FARP1: variants seen among roughly 807,000 people sequenced by gnomAD.
FARP1 encodes FERM, ARHGEF and pleckstrin domain-containing protein 1.
Under a neutral mutation model 128.8 loss-of-function variants are expected in FARP1, and 52 were observed. The observed-to-expected ratio is 0.40, with a 90% CI of 0.32 to 0.51. FARP1 has a LOEUF of 0.51. FARP1 is among the 20% of genes least tolerant of loss of function. The pLI, the probability that FARP1 is intolerant of heterozygous loss-of-function variation, is 0.45. For missense variants in FARP1, 1,333 were observed against 1,367.9 expected, an observed-to-expected ratio of 0.97 and a Z score of 0.40; for synonymous variants, 580 against 551.8, an observed-to-expected ratio of 1.05 and a Z score of -0.72.
intron 2 of FARP1, among the ~76,000 whole-genome samples, chr13:98,260,027 A>C (rs1440355167): frequency 6.6e-6 from 1 of 151,952 alleles, no homozygotes; most frequent in Non-Finnish European, 1.5e-5. Flanking sequence ...TATTTAACCC[A>C]CTGGGGCTCT....
intron 1 of FARP1, among the ~76,000 whole-genome samples, chr13:98,158,573 G>A (rs1346268177): frequency 1.3e-5 from 2 of 152,148 alleles, no homozygotes; most frequent in Non-Finnish European, 2.9e-5. Flanking sequence ...TTTGGAGGTA[G>A]AATAGCATAA....
At chr13:98,216,745 G>T (rs1261736824) in intron 2 of FARP1, among the ~76,000 whole-genome samples, 3 of 152,206 alleles carry the variant, frequency 2.0e-5, no homozygotes, top group Non-Finnish European at 4.4e-5. Context: ...GGCTTTGGCA[G>T]TTAGCTCCAC....
At chr13:98,423,705 T>C (rs1891677552) in intron 16 of FARP1, among the ~76,000 whole-genome samples, 1 of 152,192 alleles carries the variant, frequency 6.6e-6, no homozygotes, top group African/African-American at 2.4e-5. Flanking sequence ...TCCTTCACTA[T>C]AACATGAGGG....
At chr13:98,359,601 T>G (rs1319848288) in intron 3 of FARP1, among the ~76,000 whole-genome samples, 6 of 152,234 alleles carry the variant, frequency 3.9e-5, no homozygotes. Flanking sequence ...AGACTGCGTG[T>G]ACGATGGTGG....
Position 98,354,752 on chromosome 13 carries a change from A to G in FARP1, c.277-10643A>G, listed in dbSNP as rs1054373095. Among the ~76,000 whole-genome samples, 4 of 152,384 alleles carry G rather than the reference A, an allele frequency of 2.6e-5. No homozygotes were observed. The South Asian group carries it at 6.2e-4, about 24-fold the overall frequency. On this transcript the variant is annotated intron_variant, in intron 3 of 26. Coordinates refer to ENST00000319562, the MANE Select transcript of FARP1 (RefSeq NM_005766.4). ...CATAACTCCAAACTGGAAATCGCAC[A>G]TGTGCCATCAAGAGAAGAATTGTTA... is the stretch of plus-strand genomic sequence containing the variant.
At chr13:98,151,660 C>CTTTTTTTTTTTTTTTGT (rs1876011860) in intron 1 of FARP1, among the ~76,000 whole-genome samples, 1 of 69,224 alleles carries the variant, frequency 1.4e-5, no homozygotes, top group Non-Finnish European at 2.8e-5. Flanking sequence ...TATCTTCCAT[C>CTTTTTTTTTTTTTTTGT]TTTTTTTTTT....
intron 4 of FARP1, among the ~76,000 whole-genome samples, chr13:98,366,308 T>C (rs903271649): frequency 6.6e-6 from 1 of 152,206 alleles, no homozygotes; most frequent in Non-Finnish European, 1.5e-5. Context: ...CCGTGTGCAA[T>C]TGAAATTGAT....
chr13:98,273,927 C>T (rs750408966), intron 2 of FARP1, among the ~76,000 whole-genome samples: 1 of 152,116 alleles, frequency 6.6e-6, no homozygotes, highest in Non-Finnish European at 1.5e-5. Flanking sequence ...TGATGGCGGT[C>T]AATGACAGAC....
Position 98,176,705 on chromosome 13 carries a change from G to T in FARP1, c.-24+33213G>T, listed in dbSNP as rs1184881142. The T allele has an allele frequency of 6.8e-6, 11 of 1,614,040 alleles. No homozygotes were observed. The highest frequency in any genetic ancestry group is 9.3e-6 in the Non-Finnish European group (11 of 1,180,032). Reference sequence around the variant, plus strand: ...GTGGCGCGCAGATGCCCTGGCGCACGTATGGGGCCCTTCCTCGCCATCCCC... The same window carrying T: ...GTGGCGCGCAGATGCCCTGGCGCACTTATGGGGCCCTTCCTCGCCATCCCC... On this transcript the variant is annotated intron_variant, in intron 1 of 26. Coordinates refer to ENST00000319562, the MANE Select transcript of FARP1 (RefSeq NM_005766.4). This position sits in a 1 kb window ranked among gnomAD's most constrained non-coding sequence, Gnocchi z 6.2.
intron 3 of FARP1, among the ~76,000 whole-genome samples, chr13:98,346,388 C>G (rs2139887324): frequency 2.0e-5 from 3 of 150,014 alleles, no homozygotes; most frequent in African/African-American, 7.3e-5. Flanking sequence ...TGGGGTTTCA[C>G]CATGTTGGCC....
At chr13:98,227,988 T>C (rs1030918024) in intron 2 of FARP1, among the ~76,000 whole-genome samples, 2 of 152,236 alleles carry the variant, frequency 1.3e-5, no homozygotes, top group African/African-American at 4.8e-5. Context: ...AGAGTTTGTT[T>C]TGCCAGATGA....
At chr13:98,151,679 T>TTTTTTTTTTTTTTTTTA (rs1876014021) in intron 1 of FARP1, among the ~76,000 whole-genome samples, 1 of 143,274 alleles carries the variant, frequency 7.0e-6, no homozygotes, top group Non-Finnish European at 1.5e-5. Flanking sequence ...TTTTTTTTTT[T>TTTTTTTTTTTTTTTTTA]GAGACGGAGT....
At chr13:98,185,367 C>T (rs1283807351) in intron 1 of FARP1, among the ~76,000 whole-genome samples, 3 of 152,060 alleles carry the variant, frequency 2.0e-5, no homozygotes, top group East Asian at 3.9e-4. Flanking sequence ...AGCATGCAGG[C>T]GTTGGGATTG....
intron 11 of FARP1, among the ~76,000 whole-genome samples, chr13:98,391,506 A>G (rs538223711): frequency 6.6e-6 from 1 of 152,338 alleles, no homozygotes; most frequent in Admixed American, 6.5e-5. Flanking sequence ...CCTGGGCTCA[A>G]GCCATCTTCC....
chr13:98,176,059 T>A lies in FARP1; in HGVS notation c.-24+32567T>A. 1 of 1,028,648 alleles carries A rather than the reference T, an allele frequency of 9.7e-7. No individual in the cohort carries two copies. Among genetic ancestry groups the A allele is most frequent in the Non-Finnish European group, 1.5e-6 (1 of 671,886 alleles). The allele number at this position is 1,028,648 out of a possible 1,614,324, so 63.7% of individuals were successfully genotyped here. A position where few individuals can be genotyped will look rare whatever the true frequency, so the allele number is the denominator to read the frequency against. On this transcript the variant is annotated intron_variant, in intron 1 of 26. Transcript: ENST00000319562. This position sits in a 1 kb window ranked among gnomAD's most constrained non-coding sequence, Gnocchi z 6.2. ...CTCTTTGAGATCCGGATTTCAATTC[T>A]TTTGGTTACATACTCAGGCATGGGA...
chr13:98,301,521 T>C (rs1302536787), intron 2 of FARP1, among the ~76,000 whole-genome samples: 1 of 152,206 alleles, frequency 6.6e-6, no homozygotes, highest in Non-Finnish European at 1.5e-5. Context: ...GGCAGTGACT[T>C]AGGAGCTTGG....
chr13:98,151,173 T>G (rs1875970816), intron 1 of FARP1, among the ~76,000 whole-genome samples: 1 of 152,114 alleles, frequency 6.6e-6, no homozygotes, highest in Admixed American at 6.6e-5. Flanking sequence ...GAGATCACAT[T>G]CACATAACTT....
At chr13:98,445,862 T>TGTC (rs1555298168) in intron 24 of FARP1, 6 of 498,192 alleles carry the variant, frequency 1.2e-5, no homozygotes, top group South Asian at 4.7e-5. Context: ...TCAACGTGTC[T>TGTC]TTTGGGGGGA....
At chr13:98,183,599 T>G (rs575394999) in intron 1 of FARP1, among the ~76,000 whole-genome samples, 3 of 152,330 alleles carry the variant, frequency 2.0e-5, no homozygotes, top group South Asian at 2.1e-4. Flanking sequence ...ATTTTTGTTA[T>G]GCAGCAGCTT....
Sources: allele counts gnomAD v4.1 joint callset (sites outside exome capture counted in the v4.1 genomes callset), GRCh38; gene constraint gnomAD v4.1.1; non-coding constraint Gnocchi (gnomAD v3.1); transcripts MANE v1.5; gene names NCBI Gene and HGNC (gene_info 2026-07-23, HGNC 2026-07-21).